Variants in PRKD1 observed in about 807,000 individuals in gnomAD.
The protein encoded by PRKD1 is serine/threonine-protein kinase D1.
PRKD1 carries 63 observed loss-of-function variants against 95.9 expected under a neutral mutation model. The ratio of observed to expected loss-of-function variants is 0.66; its 90% CI spans 0.54 to 0.81. The LOEUF is 0.81. Ranked by LOEUF, PRKD1 falls within the 30% of genes least tolerant of loss-of-function variation. The probability of loss-of-function intolerance (pLI) is 0.00; values close to 1 mark genes in which losing one functional copy is unlikely to be tolerated. For synonymous variants in PRKD1, 425 were observed against 423.1 expected, an observed-to-expected ratio of 1.00 and a Z score of -0.05; for missense variants, 1,048 against 1,165.3, an observed-to-expected ratio of 0.90 and a Z score of 1.47.
chr14:29,802,957 TC>T (rs1890095446), intron 1 of PRKD1, among the ~76,000 whole-genome samples: 1 of 152,222 alleles, frequency 6.6e-6, no homozygotes. Context: ...CTATAGCAAC[TC>T]TGGTTTTATT....
chr14:29,749,415 T>G (rs45597932), intron 1 of PRKD1, among the ~76,000 whole-genome samples: 11 of 152,292 alleles, frequency 7.2e-5, no homozygotes, highest in Admixed American at 5.2e-4. Flanking sequence ...GTAGTATGTG[T>G]GTGTGCCTGT....
chr14:29,843,023 G>A (rs1891922430), intron 1 of PRKD1, among the ~76,000 whole-genome samples: 1 of 151,982 alleles, frequency 6.6e-6, no homozygotes, highest in South Asian at 2.1e-4. Flanking sequence ...GAAATAGAAG[G>A]TATTATTAAC....
At position 29,797,928 on chromosome 14, in the gene PRKD1, C is replaced by T. The variant is rs45518342; in HGVS notation, c.265-72254G>A. ...ACAAAACCTCCCACTATAACTTAAG[C>T]TAGACCCAACCCATATATACCAGTA... On this transcript the variant is annotated intron_variant, in intron 1 of 17. Transcript: ENST00000331968. 6.3e-3 allele frequency among the ~76,000 whole-genome samples: 959 copies of T among 152,312 alleles called. 3 individuals are homozygous for T. Among genetic ancestry groups the T allele is most frequent in the African/African-American group, 0.022 (900 of 41,572 alleles).
intron 13 of PRKD1, among the ~76,000 whole-genome samples, chr14:29,609,849 A>G (rs1878330506): frequency 6.6e-6 from 1 of 151,342 alleles, no homozygotes; most frequent in African/African-American, 2.4e-5. Flanking sequence ...ATAAGCCACC[A>G]TGCCCGGCCA....
intron 2 of PRKD1, among the ~76,000 whole-genome samples, chr14:29,669,392 G>A (rs2139228467): frequency 6.6e-6 from 1 of 152,228 alleles, no homozygotes; most frequent in South Asian, 2.1e-4. Context: ...GAATTGATTA[G>A]TTCGTCCCAA....
chr14:29,846,072 T>G (rs1238130074), intron 1 of PRKD1, among the ~76,000 whole-genome samples: 1 of 152,154 alleles, frequency 6.6e-6, no homozygotes, highest in East Asian at 1.9e-4. Context: ...ACCCAACCAG[T>G]ACTGCATTTT....
chr14:29,830,341 C>T (rs1183864478), intron 1 of PRKD1, among the ~76,000 whole-genome samples: 1 of 152,132 alleles, frequency 6.6e-6, no homozygotes, highest in Non-Finnish European at 1.5e-5. Flanking sequence ...AATGGGCCTT[C>T]GTTTGCCAAG....
intron 1 of PRKD1, among the ~76,000 whole-genome samples, chr14:29,910,242 A>C (rs1233062011): frequency 6.6e-6 from 1 of 152,126 alleles, no homozygotes; most frequent in African/African-American, 2.4e-5. Context: ...GATGGGAGGA[A>C]CGAACAACTC....
At chr14:29,839,908 A>G (rs976807632) in intron 1 of PRKD1, among the ~76,000 whole-genome samples, 2 of 152,036 alleles carry the variant, frequency 1.3e-5, no homozygotes, top group Non-Finnish European at 2.9e-5. Context: ...GGACCAGCCC[A>G]CAAAACCATT....
chr14:29,734,315 C>T (rs1422422520), intron 1 of PRKD1, among the ~76,000 whole-genome samples: 8 of 151,984 alleles, frequency 5.3e-5, no homozygotes, highest in South Asian at 2.1e-4. Context: ...GCTGGTATTA[C>T]GGGTGTGAGC....
chr14:29,840,121 A>G (rs770273974), intron 1 of PRKD1, among the ~76,000 whole-genome samples: 1 of 152,088 alleles, frequency 6.6e-6, no homozygotes, highest in Admixed American at 6.6e-5. Flanking sequence ...TCAAACTTCT[A>G]TACTCTGCTT....
At chr14:29,825,514 G>C (rs1891074971) in intron 1 of PRKD1, among the ~76,000 whole-genome samples, 1 of 134,034 alleles carries the variant, frequency 7.5e-6, no homozygotes, top group African/African-American at 2.5e-5. Flanking sequence ...TGGGGTCGAA[G>C]ATGTAAAGTA....
intron 1 of PRKD1, among the ~76,000 whole-genome samples, chr14:29,805,740 C>G (rs1024922784): frequency 6.6e-6 from 1 of 152,192 alleles, no homozygotes; most frequent in Admixed American, 6.5e-5. Context: ...GAGCCAAGAG[C>G]CAGGATTCAA....
chr14:29,662,912 CG>C (rs1882261011), intron 4 of PRKD1, among the ~76,000 whole-genome samples: 1 of 151,144 alleles, frequency 6.6e-6, no homozygotes, highest in South Asian at 2.1e-4. Context: ...AAACTATTAG[CG>C]TATTTCAGAA....
intron 1 of PRKD1, among the ~76,000 whole-genome samples, chr14:29,836,165 A>G (rs755009336): frequency 2.0e-5 from 3 of 152,184 alleles, no homozygotes; most frequent in Non-Finnish European, 2.9e-5. Flanking sequence ...CTGCTTGGGA[A>G]TATCAAATAC....
intron 16 of PRKD1, chr14:29,592,828 C>G (rs1406148802): frequency 1.3e-5 from 2 of 152,164 alleles, no homozygotes; most frequent in African/African-American, 4.8e-5. Flanking sequence ...TTCTTGATCA[C>G]AGTGTGATCC....
At chr14:29,620,843 T>G (rs1476942190) in intron 13 of PRKD1, among the ~76,000 whole-genome samples, 1 of 151,802 alleles carries the variant, frequency 6.6e-6, no homozygotes, top group Non-Finnish European at 1.5e-5. Context: ...ACCAAAGGAC[T>G]ATAAATCATG....
chr14:29,727,511 G>A (rs1456067225), intron 1 of PRKD1, among the ~76,000 whole-genome samples: 10 of 151,138 alleles, frequency 6.6e-5, no homozygotes, highest in African/African-American at 2.2e-4. Context: ...TTTCTTCTAG[G>A]GTTTTTATGG....
In PRKD1 at chr14:29,630,927, G is replaced by A. The variant is rs370296777; in HGVS notation, c.1487C>T (p.Thr496Met). ...GANPHCFEIT[T>M]ANVVYYVGEN... ...TCCCACATAATACACTACATTTGCC[G>A]TAGTGATTTCGAAACAATGAGGATT... Residue 496 changes from threonine to methionine, a missense_variant, in exon 10 of 18, where the codon ACG becomes ATG. Physicochemically the swap from Thr to Met is moderately conservative, Grantham distance 81. Coordinates refer to ENST00000331968, the MANE Select transcript of PRKD1 (RefSeq NM_002742.3). 107 of 1,613,920 alleles carry A rather than the reference G, an allele frequency of 6.6e-5. 2 individuals are homozygous for A. Among genetic ancestry groups the A allele is most frequent in the Admixed American group, 2.3e-4 (14 of 59,980 alleles).
Sources: allele counts gnomAD v4.1 joint callset (sites outside exome capture counted in the v4.1 genomes callset), GRCh38; gene constraint gnomAD v4.1.1; transcripts MANE v1.5; gene names NCBI Gene and HGNC (gene_info 2026-07-23, HGNC 2026-07-21).